The following UFD1 variants were observed in gnomAD, a reference collection of about 807,000 sequenced individuals.
The protein encoded by UFD1 is ubiquitin recognition factor in ER-associated degradation protein 1.
UFD1 carries 13 observed loss-of-function variants against 45.9 expected under a neutral mutation model. That is an observed-to-expected ratio of 0.28 (90% CI 0.18 to 0.45). The LOEUF is 0.45. Ranked by LOEUF, UFD1 falls within the 20% of genes least tolerant of loss-of-function variation. The pLI, the probability that UFD1 is intolerant of heterozygous loss-of-function variation, is 1.00. For synonymous variants in UFD1, 128 were observed against 139.2 expected, an observed-to-expected ratio of 0.92 and a Z score of 0.56; for missense variants, 218 against 389.2, an observed-to-expected ratio of 0.56 and a Z score of 3.70.
intron 3 of UFD1, 127 bp downstream of exon 3, chr22:19,474,941 C>T: frequency 1.0e-6 from 1 of 980,552 alleles, no homozygotes; most frequent in Non-Finnish European, 1.5e-6. Flanking sequence ...GCATGCCCTC[C>T]ACGGACAATT....
chr22:19,472,852 T>C (rs1193725836), intron 3 of UFD1, among the ~76,000 whole-genome samples: 1 of 152,216 alleles, frequency 6.6e-6, no homozygotes, highest in African/African-American at 2.4e-5. Flanking sequence ...GGCTGCTGGC[T>C]TAAGTCCAGG....
At chr22:19,471,087 C>A in intron 4 of UFD1, 1 of 446,352 alleles carries the variant, frequency 2.2e-6, no homozygotes, top group Non-Finnish European at 4.5e-6. Context: ...CTCCCTACAG[C>A]ACTGGCACAG....
Position 19,451,756 on chromosome 22 carries a change from T to C in UFD1, c.850-1012A>G, listed in dbSNP as rs961025171. 5.1e-6 allele frequency: 5 copies of C among 985,322 alleles called. No individual in the cohort carries two copies. The African/African-American group carries it at 8.7e-5, about 17-fold the overall frequency. 61.0% of individuals were successfully genotyped at this position (985,322 alleles called of 1,614,324 possible). A position where few individuals can be genotyped will look rare whatever the true frequency, so the allele number is the denominator to read the frequency against. ...TTAGTCTTCCTTTGCCGCACAGCCT[T>C]CCATTCATCCTGGTGTCAATAGCTG... On this transcript the variant is annotated intron_variant, in intron 11 of 11. Transcript: ENST00000263202.
intron 4 of UFD1, among the ~76,000 whole-genome samples, chr22:19,468,693 T>C (rs2089821808): frequency 6.6e-6 from 1 of 152,144 alleles, no homozygotes; most frequent in Non-Finnish European, 1.5e-5. Flanking sequence ...GTCAGACATA[T>C]ACATCAGTAG....
chr22:19,467,110 G>A (rs1235900217), intron 5 of UFD1: 1 of 151,682 alleles, frequency 6.6e-6, no homozygotes, highest in African/African-American at 2.4e-5. Flanking sequence ...AGCGCTACTG[G>A]GAAAGGAGGC....
At position 19,453,849 on chromosome 22, in the gene UFD1, C is replaced by G. The variant is rs536586900; in HGVS notation, c.849+900G>C. On this transcript the variant is annotated intron_variant, in intron 11 of 11. Coordinates refer to ENST00000263202, the MANE Select transcript of UFD1 (RefSeq NM_005659.7). The stretch of plus-strand genomic sequence containing the variant: ...GAATGGGTGGCTCAGTACATCTGCC[C>G]TCTGCCCTGATCCTGGATCCTCAAG... 1.0e-4 allele frequency: 103 copies of G among 985,504 alleles called. 1 individual carries two copies. In the South Asian group the frequency reaches 4.3e-3, roughly 41 times the overall value. The allele number at this position is 985,504 out of a possible 1,614,324, so 61.0% of individuals were successfully genotyped here. A position where few individuals can be genotyped will look rare whatever the true frequency, so the allele number is the denominator to read the frequency against.
chr22:19,456,106 C>G (rs111368674), intron 9 of UFD1, among the ~76,000 whole-genome samples: 5,579 of 152,302 alleles, frequency 0.037, 139 homozygotes, highest in African/African-American at 0.063. Context: ...AGCTTCCCAT[C>G]ATTCTGCCCT....
intron 6 of UFD1, 118 bp downstream of exon 6, chr22:19,465,084 G>T: frequency 1.1e-6 from 1 of 910,344 alleles, no homozygotes. Context: ...CAAACAGTAG[G>T]CAGTAATTAG....
intron 2 of UFD1, 27 bp from the exon 3 acceptor site, chr22:19,475,127 T>TA: frequency 6.3e-7 from 1 of 1,593,596 alleles, no homozygotes; most frequent in Non-Finnish European, 8.5e-7. Flanking sequence ...TAAGAAATAT[T>TA]AAAAAATAAA....
intron 6 of UFD1, among the ~76,000 whole-genome samples, chr22:19,458,381 C>G (rs2146291235): frequency 6.6e-6 from 1 of 152,348 alleles, no homozygotes; most frequent in South Asian, 2.1e-4. Context: ...AGTTATACAG[C>G]TAACTGCAAA....
chr22:19,450,721 G>C lies in UFD1; in HGVS notation c.873C>G (p.Val291=). The C allele has an allele frequency of 6.2e-7, 1 of 1,614,098 alleles. No individual in the cohort carries two copies. Among genetic ancestry groups the C allele is most frequent in the Non-Finnish European group, 8.5e-7 (1 of 1,180,006 alleles). Residue 291 remains valine (V), a synonymous_variant, in exon 12 of 12, where the codon GTC becomes GTG. Coordinates refer to ENST00000263202, the MANE Select transcript of UFD1 (RefSeq NM_005659.7). ...ATGACTGTCCTTCTCCAGAGAAAGC[G>C]ACGAATCTGCCTCCAGCTTCATCCT... The part of the protein sequence containing the change: ...VEEDEAGGRF[V]AFSGEGQSLR...
chr22:19,452,224 G>A (rs2089688371), intron 11 of UFD1: 1 of 152,460 alleles, frequency 6.6e-6, no homozygotes, highest in Non-Finnish European at 1.5e-5. Flanking sequence ...CTTTTCCTTG[G>A]CTTGCAGATG....
intron 7 of UFD1, among the ~76,000 whole-genome samples, 196 bp downstream of exon 7, chr22:19,457,875 A>C (rs1411684509): frequency 6.6e-6 from 1 of 151,706 alleles, no homozygotes; most frequent in African/African-American, 2.4e-5. Flanking sequence ...CTGGCAGCAA[A>C]CTCTGTTGCC....
Position 19,459,874 on chromosome 22 carries a change from G to A in UFD1, c.496-1735C>T, listed in dbSNP as rs955131902. On this transcript the variant is annotated intron_variant, in intron 6 of 11. Coordinates refer to ENST00000263202, the MANE Select transcript of UFD1 (RefSeq NM_005659.7). ...TTGCCTCAGCCTCCCAAGTAACTGGGACTACAGGTGCGTGCCACCACACCC... is the reference window on the plus strand; with the variant it reads ...TTGCCTCAGCCTCCCAAGTAACTGGAACTACAGGTGCGTGCCACCACACCC... 5.9e-5 allele frequency among the ~76,000 whole-genome samples: 9 copies of A among 151,516 alleles called. No homozygotes were observed. The South Asian group carries it at 1.7e-3, about 28-fold the overall frequency.
intron 5 of UFD1, 117 bp from the exon 6 acceptor site, chr22:19,465,391 C>T (rs1006433969): frequency 3.9e-5 from 32 of 826,450 alleles, no homozygotes; most frequent in Middle Eastern, 4.6e-4. Flanking sequence ...ACTTGAAACA[C>T]GAAGCTTTTA....
chr22:19,472,558 C>T (rs1349144931), intron 3 of UFD1, among the ~76,000 whole-genome samples: 1 of 152,132 alleles, frequency 6.6e-6, no homozygotes, highest in East Asian at 1.9e-4. Flanking sequence ...ACGTGCTGAC[C>T]CAAGAGGTGC....
chr22:19,451,502 G>GT, intron 11 of UFD1: 2 of 985,366 alleles, frequency 2.0e-6, no homozygotes, highest in African/African-American at 1.7e-5. Context: ...AAGAGGGATT[G>GT]TTTTTTCCCA....
rs2089927852 is a variant in UFD1, at chr22:19,479,166, TGCCG to T, written c.-85_-82del. ...CGCCGACCGCTCTCCCAGCCGCCGC[TGCCG>T]CTGCCGCCGCGCCAAGCCGGTACGC... On this transcript the variant is annotated 5_prime_UTR_variant, in exon 1 of 12. Coordinates refer to ENST00000263202, the MANE Select transcript of UFD1 (RefSeq NM_005659.7). 6.4e-7 allele frequency: 1 copy of T among 1,570,960 alleles called. No homozygotes were observed. The highest frequency in any genetic ancestry group is 1.4e-5 in the African/African-American group (1 of 73,562).
intron 11 of UFD1, chr22:19,453,531 A>G: frequency 1.0e-6 from 1 of 985,530 alleles, no homozygotes; most frequent in Non-Finnish European, 1.2e-6. Context: ...CTAAGGTCTT[A>G]GGTCGGAGTC....
Sources: gnomAD v4.1 joint callset for allele counts (sites outside exome capture counted in the v4.1 genomes callset) on GRCh38, gnomAD v4.1.1 for gene constraint, MANE v1.5 for transcripts, NCBI Gene and HGNC (gene_info 2026-07-23, HGNC 2026-07-21) for gene names.